The following TBC1D19 variants were observed in gnomAD, a reference collection of about 807,000 sequenced individuals.
The protein encoded by TBC1D19 is TBC1 domain family member 19.
In TBC1D19, 60 loss-of-function variants were observed where a neutral mutation model predicts 89.0. The ratio of observed to expected loss-of-function variants is 0.67; its 90% CI spans 0.55 to 0.84. TBC1D19 has a LOEUF of 0.84. Ranked by LOEUF, TBC1D19 falls within the 40% of genes least tolerant of loss-of-function variation. The pLI, the probability that TBC1D19 is intolerant of heterozygous loss-of-function variation, is 0.00. For synonymous variants in TBC1D19, 189 were observed against 199.7 expected (o/e 0.95, Z 0.45); for missense variants, 500 against 610.8 (o/e 0.82, Z 1.91).
the TBC1D19 span, among the ~76,000 whole-genome samples, chr4:26,832,535 T>C: frequency 3.0e-4 from 46 of 152,366 alleles, no homozygotes; most frequent in African/African-American, 1.0e-3. Flanking sequence ...ACATTCTATC[T>C]TCCTGTTTAA....
intron 4 of TBC1D19, among the ~76,000 whole-genome samples, chr4:26,623,700 A>G (rs573239359): frequency 6.6e-6 from 1 of 152,216 alleles, no homozygotes; most frequent in East Asian, 1.9e-4. Flanking sequence ...ATCAAGTGCT[A>G]TATATTATTT....
the TBC1D19 span, among the ~76,000 whole-genome samples, chr4:26,857,001 C>T: frequency 2.6e-5 from 4 of 152,204 alleles, no homozygotes; most frequent in Admixed American, 1.3e-4. Flanking sequence ...AGACTTCCTT[C>T]CTCTGCTCCC....
chr4:26,839,639 T>G, the TBC1D19 span, among the ~76,000 whole-genome samples: 2 of 151,982 alleles, frequency 1.3e-5, no homozygotes, highest in Non-Finnish European at 2.9e-5. Context: ...CTGGCTCAAC[T>G]TCATCACCTC....
chr4:26,664,765 C>T (rs1213803829), intron 8 of TBC1D19, among the ~76,000 whole-genome samples: 1 of 152,102 alleles, frequency 6.6e-6, no homozygotes, highest in Non-Finnish European at 1.5e-5. Context: ...GTCCCTCCCC[C>T]TGTGCTCTCA....
Position 26,614,450 on chromosome 4 carries a change from G to A in TBC1D19, c.215G>A (p.Ser72Asn), listed in dbSNP as rs763229488. The A allele has an allele frequency of 1.2e-5, 19 of 1,585,416 alleles. No homozygotes were observed. The African/African-American group carries it at 1.7e-4, about 15-fold the overall frequency. Residue 72 changes from serine to asparagine, a missense_variant, in exon 3 of 21, where the codon AGT becomes AAT. Physicochemically the swap from Ser to Asn is conservative, Grantham distance 46. Coordinates refer to ENST00000264866, the MANE Select transcript of TBC1D19 (RefSeq NM_018317.4). ...CAGAATGCTGTTTATAGTGAACTGA[G>A]TGTGTGAGTTTTCCCACCTATTTTA... ...KLQNAVYSELSVFPLPSHPAA... is the reference protein window; with the variant it reads ...KLQNAVYSELNVFPLPSHPAA...
intron 10 of TBC1D19, among the ~76,000 whole-genome samples, chr4:26,673,444 TATACAC>T (rs1712503270): frequency 1.3e-5 from 1 of 78,378 alleles, no homozygotes; most frequent in South Asian, 4.6e-4. Context: ...TATATATATA[TATACAC>T]ACACACACAC....
intron 4 of TBC1D19, among the ~76,000 whole-genome samples, chr4:26,622,096 G>A (rs1426360451): frequency 1.3e-5 from 2 of 152,166 alleles, no homozygotes; most frequent in South Asian, 4.1e-4. Context: ...GACTGTTGTG[G>A]GGTGGGGGGA....
intron 8 of TBC1D19, among the ~76,000 whole-genome samples, chr4:26,660,067 C>A (rs1745128353): frequency 6.6e-6 from 1 of 152,080 alleles, no homozygotes; most frequent in South Asian, 2.1e-4. Flanking sequence ...TATTTAATTT[C>A]ACAAACTTTT....
intron 1 of TBC1D19, among the ~76,000 whole-genome samples, chr4:26,605,528 C>T (rs1459627408): frequency 1.3e-5 from 2 of 152,004 alleles, no homozygotes; most frequent in Non-Finnish European, 2.9e-5. Context: ...GTGCATGTGT[C>T]TTTATAGCAG....
At chr4:26,728,649 A>G (rs1192093141) in intron 15 of TBC1D19, among the ~76,000 whole-genome samples, 1 of 152,190 alleles carries the variant, frequency 6.6e-6, no homozygotes, top group East Asian at 1.9e-4. Flanking sequence ...GTCATTGGGA[A>G]TATTGACCTT....
chr4:26,850,921 G>A, the TBC1D19 span, among the ~76,000 whole-genome samples: 1 of 152,142 alleles, frequency 6.6e-6, no homozygotes, highest in Non-Finnish European at 1.5e-5. Context: ...TGAGTTGGTG[G>A]ACTGAGTGGG....
intron 8 of TBC1D19, among the ~76,000 whole-genome samples, chr4:26,665,666 G>C (rs552270885): frequency 6.6e-6 from 1 of 152,166 alleles, no homozygotes; most frequent in South Asian, 2.1e-4. Context: ...ATTAAGATCT[G>C]AGTGAAGTAC....
Position 26,708,514 on chromosome 4 carries a change from C to A in TBC1D19, c.955-9419C>A, listed in dbSNP as rs79532255. On this transcript the variant is annotated intron_variant, in intron 13 of 20. Coordinates refer to ENST00000264866, the MANE Select transcript of TBC1D19 (RefSeq NM_018317.4). ...GGATGTTTATATTAATGTCTTTCAT[C>A]AAATTTGGGAAATTTTCAGCCATTA... Among the ~76,000 whole-genome samples the A allele has an allele frequency of 9.7e-3, 1,474 of 152,104 alleles. 29 individuals carry two copies. Among genetic ancestry groups the A allele is most frequent in the African/African-American group, 0.034 (1,409 of 41,522 alleles).
chr4:26,610,780 GT>G (rs749421190), intron 1 of TBC1D19, among the ~76,000 whole-genome samples: 1 of 151,750 alleles, frequency 6.6e-6, no homozygotes, highest in East Asian at 1.9e-4. Flanking sequence ...ACGTGATCTC[GT>G]TGTTTTTTAT....
At chr4:26,750,768 A>G (rs1718906948) in intron 19 of TBC1D19, among the ~76,000 whole-genome samples, 1 of 152,230 alleles carries the variant, frequency 6.6e-6, no homozygotes, top group African/African-American at 2.4e-5. Context: ...CTCCCCTACC[A>G]TGGAATTCAG....
chr4:26,622,382 CAT>C (rs1037301893), intron 4 of TBC1D19, among the ~76,000 whole-genome samples: 4 of 151,638 alleles, frequency 2.6e-5, no homozygotes, highest in African/African-American at 7.3e-5. Context: ...AGAAACAAAA[CAT>C]AAATTTTTTT....
chr4:26,852,024 T>C, the TBC1D19 span, among the ~76,000 whole-genome samples: 3 of 152,036 alleles, frequency 2.0e-5, no homozygotes, highest in Admixed American at 6.5e-5. Flanking sequence ...GCTTTTCCTC[T>C]GAATTCCTGG....
chr4:26,676,533 C>T (rs185848718), intron 11 of TBC1D19, among the ~76,000 whole-genome samples: 8 of 152,090 alleles, frequency 5.3e-5, no homozygotes, highest in South Asian at 4.2e-4. Context: ...GCCTGGCCAA[C>T]GTGGAGAAAC....
the TBC1D19 span, among the ~76,000 whole-genome samples, chr4:26,832,615 CA>C: frequency 2.0e-5 from 3 of 152,050 alleles, no homozygotes; most frequent in Non-Finnish European, 4.4e-5. Context: ...GAGGTTTTAA[CA>C]AATGACTTCA....
Sources: allele counts gnomAD v4.1 joint callset (sites outside exome capture counted in the v4.1 genomes callset), GRCh38; gene constraint gnomAD v4.1.1; transcripts MANE v1.5; gene names NCBI Gene and HGNC (gene_info 2026-07-23, HGNC 2026-07-21).